Variants in ZDHHC23 observed in about 807,000 individuals in gnomAD.
ZDHHC23 encodes zDHHC palmitoyltransferase 23.
Under a neutral mutation model 40.2 loss-of-function variants are expected in ZDHHC23, and 41 were observed. That is an observed-to-expected ratio of 1.02 (90% CI 0.79 to 1.32). The LOEUF (loss-of-function observed/expected upper bound fraction) is 1.32. Among genes scored for constraint, ZDHHC23 ranks in the 40% most tolerant of loss-of-function variants. The pLI is 0.00. For missense variants in ZDHHC23, 471 were observed against 541.5 expected (o/e 0.87, Z 1.29); for synonymous variants, 204 against 210.2 (o/e 0.97, Z 0.26).
At chr3:113,963,948 T>A (rs13060619), downstream of ZDHHC23, among the ~76,000 whole-genome samples, 56,112 of 151,092 alleles carry the variant, frequency 0.37, 10,792 homozygotes, top group Admixed American at 0.48. Context: ...TTTTTTTTTT[T>A]AAATGACAAC....
chr3:113,955,711 C>T (rs1939160220), intron 3 of ZDHHC23, among the ~76,000 whole-genome samples: 1 of 152,068 alleles, frequency 6.6e-6, no homozygotes, highest in African/African-American at 2.4e-5. Flanking sequence ...TCTCCCTTTC[C>T]TTAACATGGT....
the ZDHHC23 span, among the ~76,000 whole-genome samples, chr3:113,970,634 T>C: frequency 6.6e-6 from 1 of 152,158 alleles, no homozygotes; most frequent in East Asian, 1.9e-4. Context: ...TTGTTACATA[T>C]GTATACATGT....
the ZDHHC23 span, among the ~76,000 whole-genome samples, chr3:113,971,708 CCCT>C: frequency 6.6e-6 from 1 of 151,878 alleles, no homozygotes; most frequent in Non-Finnish European, 1.5e-5. Flanking sequence ...TGGAAGTATT[CCCT>C]CCTCTTCAGT....
chr3:113,958,456 C>T lies in ZDHHC23; in HGVS notation c.1134C>T (p.Tyr378=). 6.2e-7 allele frequency: 1 copy of T among 1,614,162 alleles called. No individual in the cohort carries two copies. The highest frequency in any genetic ancestry group is 8.5e-7 in the Non-Finnish European group (1 of 1,180,032). The change falls in exon 5 of 5, where the codon TAC becomes TAT. Residue 378 remains tyrosine (Y), a synonymous_variant. Coordinates refer to ENST00000638807, the MANE Select transcript of ZDHHC23 (RefSeq NM_001320466.2). ...TGATCCAGCTGATCAACATCAGCTA[C>T]AATGTGACTGAGCGGGAAGTCCAGC... The part of the protein sequence containing the change: ...IFLIQLINIS[Y]NVTEREVQQA...
the ZDHHC23 span, among the ~76,000 whole-genome samples, chr3:113,970,879 C>T: frequency 6.6e-6 from 1 of 152,118 alleles, no homozygotes; most frequent in African/African-American, 2.4e-5. Flanking sequence ...CATCCATGTC[C>T]CTACAAAGGA....
chr3:113,969,072 GGTT>G (rs1480572687), downstream of ZDHHC23, among the ~76,000 whole-genome samples: 2 of 152,116 alleles, frequency 1.3e-5, no homozygotes, highest in African/African-American at 4.8e-5. Context: ...GGAGGTGCCA[GGTT>G]CTTTTTAACA....
At position 113,954,070 on chromosome 3, in the gene ZDHHC23, T is replaced by C. The variant is rs930096656; in HGVS notation, c.532T>C (p.Leu178=). The change falls in exon 3 of 5, where the codon TTA becomes CTA. Residue 178 remains leucine (L), a synonymous_variant. Transcript: ENST00000638807. ...PVQLAVLTCG[L]FLILLALHRA... is the part of the protein sequence containing the mutation. The stretch of plus-strand genomic sequence containing the variant: ...TCAGCTGGCGGTTCTTACCTGCGGG[T>C]TATTTCTGATACTCTTAGCCTTGCA... 4 of 1,613,910 alleles carry C rather than the reference T, an allele frequency of 2.5e-6. No individual in the cohort carries two copies. In the African/African-American group the frequency reaches 4.0e-5, roughly 16 times the overall value.
At chr3:113,965,318 A>G (rs1257729081), downstream of ZDHHC23, 2 of 1,610,360 alleles carry the variant, frequency 1.2e-6, no homozygotes, top group Admixed American at 1.7e-5. Context: ...CATAAATTTT[A>G]CAAACTTCTT....
rs1939755279 is a variant in ZDHHC23 at position 113,962,481 on chromosome 3, A to G, written c.*3851A>G. 6.6e-6 allele frequency: 1 copy of G among 152,208 alleles called. No homozygotes were observed. Among genetic ancestry groups the G allele is most frequent in the Non-Finnish European group, 1.5e-5 (1 of 68,036 alleles). 9.4% of individuals were successfully genotyped at this position (152,208 alleles called of 1,614,324 possible). Reference sequence around the variant, plus strand: ...GCACCTTGAAAGTGAACTTCTAGAAATCTACATTTAAAAGGCAAAGCTTTA... The same window carrying G: ...GCACCTTGAAAGTGAACTTCTAGAAGTCTACATTTAAAAGGCAAAGCTTTA... On this transcript the variant is annotated 3_prime_UTR_variant, in exon 5 of 5. Coordinates refer to ENST00000638807, the MANE Select transcript of ZDHHC23 (RefSeq NM_001320466.2).
At chr3:113,958,241 G>A (rs555343570) in intron 4 of ZDHHC23, 122 bp from the exon 5 acceptor site, 12 of 818,890 alleles carry the variant, frequency 1.5e-5, no homozygotes, top group Non-Finnish European at 2.2e-5. Flanking sequence ...CCAGTTCGGA[G>A]GGTTGGGGAA....
chr3:113,967,481 C>CCTAT (rs112244179), downstream of ZDHHC23, among the ~76,000 whole-genome samples: 1,955 of 152,200 alleles, frequency 0.013, 40 homozygotes, highest in African/African-American at 0.044. Context: ...TTATTTATAG[C>CCTAT]CTATCTATAG....
chr3:113,957,642 T>A, intron 4 of ZDHHC23: 1 of 464,100 alleles, frequency 2.2e-6, no homozygotes, highest in South Asian at 1.5e-5. Flanking sequence ...TAATAGTCTT[T>A]GAGGTCCCTT....
chr3:113,958,528 C>T lies in ZDHHC23; in HGVS notation c.1206C>T (p.Ile402=), dbSNP rs567969212. 12 of 1,613,394 alleles carry T rather than the reference C, an allele frequency of 7.4e-6. No homozygotes were observed. The highest frequency in any genetic ancestry group is 2.7e-5 in the African/African-American group (2 of 74,924). ...GGCGCCGGCTCCTCTGCGGGCTCATCGTGGACACAGGCCAGTACAATAGGG... is the reference window on the plus strand; with the variant it reads ...GGCGCCGGCTCCTCTGCGGGCTCATTGTGGACACAGGCCAGTACAATAGGG... The part of the protein sequence containing the change: ...KTGRRLLCGL[I]VDTGQYNRGF... The change falls in exon 5 of 5, where the codon ATC becomes ATT. Residue 402 remains isoleucine (I), a synonymous_variant. Transcript: ENST00000638807.
chr3:113,978,919 G>A, the ZDHHC23 span: 10 of 1,613,914 alleles, frequency 6.2e-6, no homozygotes, highest in Non-Finnish European at 7.6e-6. Context: ...ATCAGCCTGG[G>A]CCATCTTTCT....
At chr3:113,974,222 A>G in the ZDHHC23 span, among the ~76,000 whole-genome samples, 1 of 151,964 alleles carries the variant, frequency 6.6e-6, no homozygotes, top group East Asian at 1.9e-4. Flanking sequence ...TGCTATTTTG[A>G]ATGTTGGTTA....
Position 113,948,896 on chromosome 3 carries a change from A to AATGG in ZDHHC23, c.95_98dup (p.Glu34TrpfsTer12). 1 of 1,614,190 alleles carries AATGG rather than the reference A, an allele frequency of 6.2e-7. No homozygotes were observed. ...GTGCTGCTGCGAGTACATAGATCGG[A>AATGG]ATGGGGAAAAGAACCACGTGGCTAC... On this transcript the variant is annotated frameshift_variant, in exon 2 of 5. Coordinates refer to ENST00000638807, the MANE Select transcript of ZDHHC23 (RefSeq NM_001320466.2). LOFTEE classifies it high-confidence loss of function.
At chr3:113,978,492 A>G in the ZDHHC23 span, 1 of 700,964 alleles carries the variant, frequency 1.4e-6, no homozygotes, top group South Asian at 2.0e-5. Context: ...AATATCCTCT[A>G]TAATGTATCC....
At chr3:113,975,865 G>C in the ZDHHC23 span, among the ~76,000 whole-genome samples, 1 of 152,216 alleles carries the variant, frequency 6.6e-6, no homozygotes, top group African/African-American at 2.4e-5. Context: ...ATATCAAGTA[G>C]ACATTGGCTG....
At chr3:113,977,835 G>A in the ZDHHC23 span, among the ~76,000 whole-genome samples, 6 of 152,212 alleles carry the variant, frequency 3.9e-5, no homozygotes, top group South Asian at 1.2e-3. Context: ...AATAAATGAT[G>A]TTGAAAGAGA....
Sources: gnomAD v4.1 joint callset for allele counts (sites outside exome capture counted in the v4.1 genomes callset) on GRCh38, gnomAD v4.1.1 for gene constraint, MANE v1.5 for transcripts, NCBI Gene and HGNC (gene_info 2026-07-23, HGNC 2026-07-21) for gene names.